Variants in LOC122526780 observed in about 807,000 individuals in gnomAD.
At chr17:6,639,551 C>G in the LOC122526780 span, 1 of 152,980 alleles carries the variant, frequency 6.5e-6, no homozygotes, top group Non-Finnish European at 1.5e-5. The surrounding 1 kb of genome is among the most constrained non-coding windows in gnomAD (Gnocchi z 4.3). Flanking sequence ...CCAGCCTGTC[C>G]CTGTCCACAG....
the LOC122526780 span, chr17:6,638,534 C>A: frequency 6.4e-6 from 1 of 155,276 alleles, no homozygotes; most frequent in Non-Finnish European, 1.4e-5. Flanking sequence ...CATGCAACAT[C>A]TCCACAGCCA....
the LOC122526780 span, chr17:6,638,788 C>T: frequency 6.5e-6 from 1 of 153,074 alleles, no homozygotes; most frequent in African/African-American, 2.4e-5. Context: ...CTGGGGCACC[C>T]TTACCATCTG....
At chr17:6,638,616 C>T in the LOC122526780 span, 1 of 153,768 alleles carries the variant, frequency 6.5e-6, no homozygotes, top group Non-Finnish European at 1.4e-5. Context: ...CCACAGCCTG[C>T]CTCCTTTCCC....
chr17:6,639,921 C>T, the LOC122526780 span: 2 of 153,656 alleles, frequency 1.3e-5, no homozygotes, highest in East Asian at 1.9e-4. The surrounding 1 kb of genome is among the most constrained non-coding windows in gnomAD (Gnocchi z 4.3). Flanking sequence ...CCCACACAGC[C>T]CCGGCAAGCC....
chr17:6,639,295 C>G, the LOC122526780 span: 1 of 153,248 alleles, frequency 6.5e-6, no homozygotes, highest in Non-Finnish European at 1.5e-5. The surrounding 1 kb of genome is among the most constrained non-coding windows in gnomAD (Gnocchi z 4.3). Flanking sequence ...TCCTCTCCCC[C>G]ACAGACCTGC....
At chr17:6,639,093 C>CG in the LOC122526780 span, 1 of 152,506 alleles carries the variant, frequency 6.6e-6, no homozygotes, top group Non-Finnish European at 1.5e-5. The surrounding 1 kb of genome is among the most constrained non-coding windows in gnomAD (Gnocchi z 4.3). Context: ...CTGTGCCCCA[C>CG]GGGCCGGGCA....
chr17:6,638,371 G>C, the LOC122526780 span: 2 of 152,948 alleles, frequency 1.3e-5, no homozygotes, highest in African/African-American at 4.8e-5. Flanking sequence ...CGCCCACACA[G>C]CAGCAGGCAC....
chr17:6,638,530 A>C, the LOC122526780 span: 1 of 154,820 alleles, frequency 6.5e-6, no homozygotes, highest in Non-Finnish European at 1.4e-5. Context: ...CTGACATGCA[A>C]CATCTCCACA....
chr17:6,639,986 T>A, the LOC122526780 span: 1 of 152,844 alleles, frequency 6.5e-6, no homozygotes, highest in Non-Finnish European at 1.5e-5. The surrounding 1 kb of genome is among the most constrained non-coding windows in gnomAD (Gnocchi z 4.3). Flanking sequence ...CCAGGGTCCC[T>A]TGCAGCCTCG....
chr17:6,639,578 C>A, the LOC122526780 span: 1 of 152,892 alleles, frequency 6.5e-6, no homozygotes, highest in African/African-American at 2.4e-5. This position sits in a 1 kb window ranked among gnomAD's most constrained non-coding sequence, Gnocchi z 4.3. Context: ...AAGGCTCTCT[C>A]GTAAGCTGCC....
the LOC122526780 span, chr17:6,638,727 GC>G: frequency 6.5e-6 from 1 of 153,542 alleles, no homozygotes. Flanking sequence ...ACAGGCCCAG[GC>G]CCCCGCTGTG....
chr17:6,640,098 T>G, the LOC122526780 span: 2 of 152,728 alleles, frequency 1.3e-5, no homozygotes, highest in Non-Finnish European at 2.9e-5. Flanking sequence ...GACGGCCCTG[T>G]GGCCTTTCTG....
the LOC122526780 span, chr17:6,638,559 T>A: frequency 6.5e-6 from 1 of 154,726 alleles, no homozygotes; most frequent in Non-Finnish European, 1.4e-5. Context: ...CCTGATCCAC[T>A]GACCCAGGGA....
the LOC122526780 span, chr17:6,639,342 G>C: frequency 6.5e-6 from 1 of 153,004 alleles, no homozygotes; most frequent in African/African-American, 2.4e-5. The surrounding 1 kb of genome is among the most constrained non-coding windows in gnomAD (Gnocchi z 4.3). Context: ...CCATGGCTCT[G>C]GGCGCTCCCA....
At chr17:6,637,402 AG>A in the LOC122526780 span, 1 of 152,264 alleles carries the variant, frequency 6.6e-6, no homozygotes, top group African/African-American at 2.4e-5. Flanking sequence ...CTCAGTGGCC[AG>A]TCTCCTTCCC....
the LOC122526780 span, chr17:6,639,722 G>A: frequency 2.6e-5 from 4 of 152,816 alleles, no homozygotes; most frequent in African/African-American, 4.8e-5. The surrounding 1 kb of genome is among the most constrained non-coding windows in gnomAD (Gnocchi z 4.3). Context: ...CTTTCGACAG[G>A]TCCCTCTCCT....
chr17:6,638,268 TC>T, the LOC122526780 span: 1 of 152,248 alleles, frequency 6.6e-6, no homozygotes, highest in Non-Finnish European at 1.5e-5. Context: ...GAGCCACGGG[TC>T]CCCCCGAAGC....
the LOC122526780 span, chr17:6,637,342 G>C: frequency 6.6e-6 from 1 of 152,242 alleles, no homozygotes; most frequent in Non-Finnish European, 1.5e-5. Flanking sequence ...GACACCTTCA[G>C]AGCCTGTCTC....
the LOC122526780 span, chr17:6,636,869 C>T: frequency 1.3e-5 from 2 of 152,288 alleles, no homozygotes; most frequent in African/African-American, 4.8e-5. Context: ...ACTCCTCCAG[C>T]CAGCCTCCTC....
Sources: gnomAD v4.1 joint callset for allele counts on GRCh38, gnomAD v4.1.1 for gene constraint, Gnocchi (gnomAD v3.1) non-coding constraint, MANE v1.5 for transcripts.